PLD1: variants seen among roughly 807,000 people sequenced by gnomAD.
PLD1 encodes the protein phospholipase D1.
Under a neutral mutation model 137.1 loss-of-function variants are expected in PLD1, and 112 were observed. That is an observed-to-expected ratio of 0.82 (90% CI 0.70 to 0.96). The LOEUF is 0.96. Among genes scored for constraint, PLD1 ranks in the 40% least tolerant of loss-of-function variants. The probability of loss-of-function intolerance (pLI) is 0.00; values close to 1 mark genes in which losing one functional copy is unlikely to be tolerated. For synonymous variants in PLD1, 431 were observed against 454.7 expected (o/e 0.95, Z 0.66); for missense variants, 1,321 against 1,342.0 (o/e 0.98, Z 0.24).
At chr3:171,711,458 C>T (rs770030637) in intron 9 of PLD1, among the ~76,000 whole-genome samples, 2 of 151,906 alleles carry the variant, frequency 1.3e-5, no homozygotes, top group Admixed American at 6.6e-5. Context: ...CGTGAGCCAC[C>T]GCACCTGGCC....
At chr3:171,649,518 C>A (rs1467971495) in intron 21 of PLD1, among the ~76,000 whole-genome samples, 1 of 152,160 alleles carries the variant, frequency 6.6e-6, no homozygotes, top group Non-Finnish European at 1.5e-5. Context: ...GCTGAGGAAT[C>A]CAACGTCCTT....
intron 21 of PLD1, chr3:171,654,077 GA>G (rs1321178310): frequency 5.3e-6 from 2 of 379,670 alleles, no homozygotes; most frequent in Non-Finnish European, 1.0e-5. Context: ...GAGGTGGGCG[GA>G]TCACTTGAGG....
intron 8 of PLD1, among the ~76,000 whole-genome samples, chr3:171,717,189 G>A (rs893647773): frequency 3.3e-5 from 5 of 152,150 alleles, no homozygotes; most frequent in Admixed American, 3.3e-4. Flanking sequence ...TGGCTATTCA[G>A]GCTCTTTGTT....
chr3:171,644,341 G>T (rs1736014232), intron 22 of PLD1, among the ~76,000 whole-genome samples: 1 of 152,024 alleles, frequency 6.6e-6, no homozygotes, highest in East Asian at 1.9e-4. Context: ...GCCTCAAGAG[G>T]AACCCAAGTG....
At chr3:171,618,713 AGTGTGTAT>A (rs1434321832) in intron 24 of PLD1, among the ~76,000 whole-genome samples, 57 of 134,730 alleles carry the variant, frequency 4.2e-4, no homozygotes, top group African/African-American at 1.3e-3. Flanking sequence ...AAATATTAAA[AGTGTGTAT>A]GTGTGTGTGT....
intron 1 of PLD1, chr3:171,792,868 C>T (rs1339978890): frequency 1.4e-5 from 5 of 360,012 alleles, no homozygotes; most frequent in South Asian, 6.3e-5. Flanking sequence ...GAGGTGGAGC[C>T]TCACACACAA....
intron 16 of PLD1, among the ~76,000 whole-genome samples, chr3:171,679,838 G>A (rs763961817): frequency 1.3e-4 from 20 of 152,170 alleles, no homozygotes; most frequent in Admixed American, 7.2e-4. Flanking sequence ...ACTAGTTCCT[G>A]TGAAAACAGT....
chr3:171,696,545 A>G (rs1032493700), intron 12 of PLD1, among the ~76,000 whole-genome samples: 1 of 152,260 alleles, frequency 6.6e-6, no homozygotes, highest in Non-Finnish European at 1.5e-5. Flanking sequence ...AGAAGAAAAT[A>G]AAACATTCAT....
chr3:171,611,642 C>G, intron 25 of PLD1: 1 of 518,866 alleles, frequency 1.9e-6, no homozygotes, highest in Non-Finnish European at 3.8e-6. Context: ...GACCTGAAAA[C>G]AGAAGTTTCC....
intron 1 of PLD1, among the ~76,000 whole-genome samples, chr3:171,799,020 A>C (rs1021505836): frequency 2.0e-5 from 3 of 152,130 alleles, no homozygotes; most frequent in African/African-American, 7.2e-5. Context: ...TCTGAGCATA[A>C]TTGTCTGCCC....
chr3:171,647,388 C>T (rs1028277795), intron 21 of PLD1, among the ~76,000 whole-genome samples: 1 of 151,604 alleles, frequency 6.6e-6, no homozygotes, highest in Middle Eastern at 3.4e-3. Context: ...TATTTTATGT[C>T]TTTAAATTAA....
intron 22 of PLD1, chr3:171,643,162 G>T: frequency 3.2e-6 from 1 of 316,888 alleles, no homozygotes; most frequent in South Asian, 5.4e-5. Context: ...AAAAAAGAAG[G>T]GTCATGAATG....
Position 171,750,924 on chromosome 3 carries a change from G to A in PLD1, c.-31-12842C>T, listed in dbSNP as rs754116741. Among the ~76,000 whole-genome samples the A allele has an allele frequency of 7.2e-5, 11 of 151,890 alleles. No individual in the cohort carries two copies. In the South Asian group the frequency reaches 1.5e-3, roughly 20 times the overall value. ...TATCAGGTAGATCAATAATTATTAC[G>A]AACCTGAAAGAAATAAAATTTTACA... On this transcript the variant is annotated intron_variant, in intron 1 of 26. Coordinates refer to ENST00000351298, the MANE Select transcript of PLD1 (RefSeq NM_002662.5).
At chr3:171,656,449 G>A (rs1287941387) in intron 21 of PLD1, among the ~76,000 whole-genome samples, 1 of 152,220 alleles carries the variant, frequency 6.6e-6, no homozygotes, top group East Asian at 1.9e-4. Context: ...GGGATTACAG[G>A]CGTGAGCCAC....
intron 6 of PLD1, among the ~76,000 whole-genome samples, chr3:171,726,757 G>A (rs1718547059): frequency 6.6e-6 from 1 of 152,222 alleles, no homozygotes; most frequent in Non-Finnish European, 1.5e-5. Flanking sequence ...AACTGTGGCT[G>A]TGTTTACTGA....
At chr3:171,718,227 A>G (rs1312982033) in intron 8 of PLD1, among the ~76,000 whole-genome samples, 1 of 152,240 alleles carries the variant, frequency 6.6e-6, no homozygotes, top group East Asian at 1.9e-4. Context: ...TCCCAGACAC[A>G]TACATCCCCC....
chr3:171,758,236 A>G (rs1213731424), intron 1 of PLD1, among the ~76,000 whole-genome samples: 1 of 152,198 alleles, frequency 6.6e-6, no homozygotes, highest in Non-Finnish European at 1.5e-5. Context: ...AACTTCAGAA[A>G]CTGAGGTTTA....
chr3:171,757,683 T>C (rs568729028), intron 1 of PLD1, among the ~76,000 whole-genome samples: 2 of 152,330 alleles, frequency 1.3e-5, no homozygotes, highest in Admixed American at 1.3e-4. Context: ...GCCTTTGATA[T>C]CATTCAGTTC....
chr3:171,687,434 T>C lies in PLD1; in HGVS notation c.1690A>G (p.Lys564Glu). Residue 564 changes from lysine (K) to glutamate (E), a missense_variant, in exon 15 of 27, where the codon AAG becomes GAG. Physicochemically the swap from Lys to Glu is moderately conservative, Grantham distance 56. Transcript: ENST00000351298. ...PRKFSKFSLYKQLHRHHLHDA... is the reference protein window; with the variant it reads ...PRKFSKFSLYEQLHRHHLHDA... ...TGCAGGTGGTGCCTGTGGAGCTGCT[T>C]GTAGAGACTAAATTTGGAGAACTTT... is the stretch of plus-strand genomic sequence containing the variant. 1 of 1,614,210 alleles carries C rather than the reference T, an allele frequency of 6.2e-7. No individual in the cohort carries two copies.
Sources: allele counts gnomAD v4.1 joint callset (sites outside exome capture counted in the v4.1 genomes callset), GRCh38; gene constraint gnomAD v4.1.1; transcripts MANE v1.5; gene names NCBI Gene and HGNC (gene_info 2026-07-23, HGNC 2026-07-21).